Variants in GRIA2 observed in about 807,000 individuals in gnomAD.
GRIA2 encodes glutamate ionotropic receptor AMPA type subunit 2.
GRIA2 carries 14 observed loss-of-function variants against 97.3 expected under a neutral mutation model. That is an observed-to-expected ratio of 0.14 (90% confidence interval 0.10 to 0.23). The LOEUF is 0.23. Ranked by LOEUF, GRIA2 falls within the 10% of genes least tolerant of loss-of-function variation. GRIA2 has a pLI of 1.00. For missense variants in GRIA2, 558 were observed against 1,069.8 expected, an observed-to-expected ratio of 0.52 and a Z score of 6.67; for synonymous variants, 412 against 387.8, an observed-to-expected ratio of 1.06 and a Z score of -0.73.
upstream of GRIA2, chr4:157,220,217 A>T (rs1317151671): frequency 2.6e-5 from 4 of 152,240 alleles, no homozygotes; most frequent in African/African-American, 4.8e-5. Context: ...AATCAAAATT[A>T]TTTGTAACGT....
At chr4:157,356,211 TTA>T (rs1045995169) in intron 12 of GRIA2, among the ~76,000 whole-genome samples, 3 of 128,984 alleles carry the variant, frequency 2.3e-5, no homozygotes, top group African/African-American at 5.6e-5. Context: ...ATATATATAT[TTA>T]TATAGAGAGA....
At chr4:157,251,100 C>A (rs187272356) in intron 2 of GRIA2, among the ~76,000 whole-genome samples, 1 of 151,920 alleles carries the variant, frequency 6.6e-6, no homozygotes, top group African/African-American at 2.4e-5. Flanking sequence ...TCAAAAAAAG[C>A]GTATACCTTC....
chr4:157,248,431 G>T (rs1730830664), intron 2 of GRIA2, among the ~76,000 whole-genome samples: 1 of 149,306 alleles, frequency 6.7e-6, no homozygotes, highest in African/African-American at 2.5e-5. Flanking sequence ...GGCCGGTGTG[G>T]TGGCACACGC....
intron 9 of GRIA2, chr4:157,334,720 A>T (rs1735205363): frequency 6.6e-6 from 1 of 152,154 alleles, no homozygotes; most frequent in East Asian, 1.9e-4. Flanking sequence ...TGAAATGGAG[A>T]AAATGGTGTT....
intron 11 of GRIA2, among the ~76,000 whole-genome samples, chr4:157,338,100 A>G (rs1735386721): frequency 6.9e-6 from 1 of 144,532 alleles, no homozygotes; most frequent in Non-Finnish European, 1.5e-5. Flanking sequence ...TCATAGTTTT[A>G]TCATCTCTGT....
intron 2 of GRIA2, 34 bp downstream of exon 2, chr4:157,221,841 G>T: frequency 3.1e-6 from 5 of 1,604,450 alleles, no homozygotes; most frequent in Non-Finnish European, 4.3e-6. Context: ...TTCGGGTGCT[G>T]CACGCGGAAG....
intron 2 of GRIA2, among the ~76,000 whole-genome samples, chr4:157,261,100 G>C (rs1160042903): frequency 6.6e-6 from 1 of 152,060 alleles, no homozygotes; most frequent in Non-Finnish European, 1.5e-5. Context: ...AAGGGAAGAG[G>C]TTTAATGGAT....
chr4:157,329,274 A>G (rs1734943153), intron 6 of GRIA2, among the ~76,000 whole-genome samples: 1 of 151,970 alleles, frequency 6.6e-6, no homozygotes, highest in African/African-American at 2.4e-5. Context: ...ATTATTTTGT[A>G]AAAGGATGAA....
chr4:157,242,353 CT>C (rs1460642000), intron 2 of GRIA2, among the ~76,000 whole-genome samples: 1 of 151,972 alleles, frequency 6.6e-6, no homozygotes, highest in Non-Finnish European at 1.5e-5. Flanking sequence ...TTATTGTCAA[CT>C]TTTTCTTAGC....
intron 2 of GRIA2, among the ~76,000 whole-genome samples, chr4:157,262,750 CCTCT>C (rs757562371): frequency 6.6e-6 from 1 of 150,534 alleles, no homozygotes; most frequent in Non-Finnish European, 1.5e-5. Context: ...GCTCAATTTC[CCTCT>C]CTCTCTCTCT....
chr4:157,284,731 G>A (rs749049026), intron 2 of GRIA2, among the ~76,000 whole-genome samples: 1 of 151,572 alleles, frequency 6.6e-6, no homozygotes, highest in African/African-American at 2.4e-5. Flanking sequence ...TCTGTAACTT[G>A]CTTTTCCCTT....
At chr4:157,279,931 C>T (rs535536049) in intron 2 of GRIA2, among the ~76,000 whole-genome samples, 1 of 152,068 alleles carries the variant, frequency 6.6e-6, no homozygotes, top group Admixed American at 6.6e-5. Context: ...TCAAGACCAG[C>T]CTGACCAATA....
At position 157,315,697 on chromosome 4, in the gene GRIA2, G is replaced by A. The variant is rs941574753; in HGVS notation, c.667-1961G>A. On this transcript the variant is annotated intron_variant, in intron 4 of 15. Transcript: ENST00000264426. The stretch of plus-strand genomic sequence containing the variant: ...AGCTGGGATTACAGGCACACACCAC[G>A]CCCAGCTAATTTTTGTAATTTTTAG... Among the ~76,000 whole-genome samples, 7 of 151,966 alleles carry A rather than the reference G, an allele frequency of 4.6e-5. No individual in the cohort carries two copies. In the East Asian group the frequency reaches 5.8e-4, roughly 13 times the overall value.
chr4:157,247,150 G>A (rs896904583), intron 2 of GRIA2, among the ~76,000 whole-genome samples: 5 of 152,170 alleles, frequency 3.3e-5, no homozygotes, highest in Admixed American at 6.5e-5. Context: ...TCCATAATTA[G>A]CATGAACTTT....
At chr4:157,355,606 A>T (rs1316932825) in intron 12 of GRIA2, among the ~76,000 whole-genome samples, 4 of 137,724 alleles carry the variant, frequency 2.9e-5, no homozygotes, top group East Asian at 2.0e-4. Context: ...ATATATATTT[A>T]TATATATTTA....
At chr4:157,252,777 G>T (rs537915703) in intron 2 of GRIA2, among the ~76,000 whole-genome samples, 1 of 151,998 alleles carries the variant, frequency 6.6e-6, no homozygotes, top group Non-Finnish European at 1.5e-5. Context: ...TCACATTATA[G>T]ATAACCCTTA....
At position 157,321,537 on chromosome 4, in the gene GRIA2, A is replaced by G. The variant is rs1734566982; in HGVS notation, c.820A>G (p.Ile274Val). ...TGATGATTCGTTGGTATCTAAATTT[A>G]TAGAAAGATGGTCAACACTGGAAGA... ...DYDDSLVSKF[I>V]ERWSTLEEKE... Residue 274 changes from isoleucine to valine, a missense_variant, in exon 6 of 16, where the codon ATA (isoleucine) becomes GTA (valine). By Grantham distance (29) the Ile-to-Val change is conservative (BLOSUM62 3). This residue lies in a region of GRIA2 where 173 missense variants were observed against 209.1 expected (regional missense o/e 0.83). Coordinates refer to ENST00000264426, the MANE Select transcript of GRIA2 (RefSeq NM_001083619.3). 2 of 1,608,660 alleles carry G rather than the reference A, an allele frequency of 1.2e-6. No individual in the cohort carries two copies. The highest frequency in any genetic ancestry group is 2.2e-5 in the East Asian group (1 of 44,764).
chr4:157,258,221 G>C (rs1269359880), intron 2 of GRIA2, among the ~76,000 whole-genome samples: 1 of 152,080 alleles, frequency 6.6e-6, no homozygotes, highest in African/African-American at 2.4e-5. Context: ...GGCTGCCTGA[G>C]AGCCGGGTGG....
intron 4 of GRIA2, among the ~76,000 whole-genome samples, chr4:157,313,728 TGTGA>T (rs755136218): frequency 2.2e-4 from 33 of 152,032 alleles, no homozygotes; most frequent in African/African-American, 5.6e-4. Context: ...TGTGTGTGTG[TGTGA>T]GTATGAGTGT....
Sources: gnomAD v4.1 joint callset for allele counts (sites outside exome capture counted in the v4.1 genomes callset) on GRCh38, gnomAD v4.1.1 for gene constraint, gnomAD v4.1.1 regional missense constraint, MANE v1.5 for transcripts, NCBI Gene and HGNC (gene_info 2026-07-23, HGNC 2026-07-21) for gene names.